SPATA9: variants seen among roughly 807,000 people sequenced by gnomAD.
SPATA9 encodes the protein spermatogenesis-associated protein 9.
A neutral mutation model predicts 25.5 loss-of-function variants in SPATA9; 27 were observed. The observed-to-expected ratio is 1.06, with a 90% confidence interval of 0.78 to 1.46. The LOEUF is 1.46. Ranked by LOEUF, SPATA9 falls within the 40% of genes most tolerant of loss-of-function variation. The pLI, the probability that SPATA9 is intolerant of heterozygous loss-of-function variation, is 0.00. For synonymous variants in SPATA9, 102 were observed against 105.7 expected, an observed-to-expected ratio of 0.97 and a Z score of 0.21; for missense variants, 282 against 297.5, an observed-to-expected ratio of 0.95 and a Z score of 0.38.
chr5:95,703,293 T>C (rs954981947), upstream of SPATA9, among the ~76,000 whole-genome samples: 1 of 152,156 alleles, frequency 6.6e-6, no homozygotes, highest in Non-Finnish European at 1.5e-5. Context: ...GTATTAGGGA[T>C]AGAATGAAAA....
Position 95,677,380 on chromosome 5 carries a change from A to G in SPATA9, c.151-1741T>C, listed in dbSNP as rs114968320. ...GAAAATAAAACAAATTAATCTTGAG[A>G]AACATCAAAAAAATACCAAATATTA... On this transcript the variant is annotated intron_variant, in intron 2 of 4. Coordinates refer to ENST00000274432, the MANE Select transcript of SPATA9 (RefSeq NM_031952.4). Among the ~76,000 whole-genome samples the G allele has an allele frequency of 2.7e-3, 412 of 152,332 alleles. 2 individuals are homozygous for G. Among genetic ancestry groups the G allele is most frequent in the African/African-American group, 6.1e-3 (255 of 41,580 alleles).
intron 4 of SPATA9, among the ~76,000 whole-genome samples, chr5:95,663,460 T>C (rs1187433790): frequency 6.6e-6 from 1 of 152,184 alleles, no homozygotes; most frequent in African/African-American, 2.4e-5. Context: ...GATAATTCAT[T>C]AAGCTGTACA....
At chr5:95,699,557 C>A (rs1754128064), upstream of SPATA9, among the ~76,000 whole-genome samples, 1 of 151,774 alleles carries the variant, frequency 6.6e-6, no homozygotes, top group African/African-American at 2.4e-5. Flanking sequence ...ACACAGTAGC[C>A]ATAGAAATGA....
the SPATA9 span, chr5:95,731,397 G>A: frequency 8.5e-7 from 1 of 1,175,668 alleles, no homozygotes; most frequent in Non-Finnish European, 1.0e-6. Context: ...GGTCAGCTGC[G>A]TCCACTTGGG....
At chr5:95,656,456 ATACT>A (rs1157059285), downstream of SPATA9, 3 of 615,272 alleles carry the variant, frequency 4.9e-6, no homozygotes, top group Non-Finnish European at 2.8e-6. Flanking sequence ...AAGAGCACAC[ATACT>A]TAGTATGATG....
At chr5:95,694,863 C>T (rs1753975575) in intron 1 of SPATA9, among the ~76,000 whole-genome samples, 1 of 152,140 alleles carries the variant, frequency 6.6e-6, no homozygotes, top group African/African-American at 2.4e-5. Flanking sequence ...TCTTATTTGT[C>T]CAAGACAACT....
downstream of SPATA9, chr5:95,654,491 A>G: frequency 1.4e-6 from 1 of 695,150 alleles, no homozygotes; most frequent in Non-Finnish European, 2.4e-6. Context: ...GGGAATTCAT[A>G]AGATAAATGA....
the SPATA9 span, among the ~76,000 whole-genome samples, chr5:95,718,229 A>G: frequency 6.6e-6 from 1 of 152,170 alleles, no homozygotes; most frequent in African/African-American, 2.4e-5. Context: ...AGAGACTTGC[A>G]TATGTTTAAA....
upstream of SPATA9, among the ~76,000 whole-genome samples, chr5:95,700,971 T>C (rs375645833): frequency 6.6e-6 from 1 of 152,230 alleles, no homozygotes; most frequent in East Asian, 1.9e-4. Flanking sequence ...CCACAAGAAT[T>C]TGAAAAAACA....
chr5:95,681,092 C>T (rs568946878), intron 2 of SPATA9, among the ~76,000 whole-genome samples: 2 of 152,150 alleles, frequency 1.3e-5, no homozygotes, highest in Admixed American at 6.5e-5. Flanking sequence ...TGCCTCCATT[C>T]GGATCTCATT....
At chr5:95,703,943 T>C in the SPATA9 span, among the ~76,000 whole-genome samples, 24 of 152,196 alleles carry the variant, frequency 1.6e-4, no homozygotes, top group African/African-American at 5.1e-4. Context: ...TTTCATTTTA[T>C]ACCACAATCA....
the SPATA9 span, among the ~76,000 whole-genome samples, chr5:95,708,414 T>G: frequency 6.6e-6 from 1 of 152,282 alleles, no homozygotes; most frequent in South Asian, 2.1e-4. Flanking sequence ...ATTAGGGTCA[T>G]GGACAGTTAT....
chr5:95,713,647 A>G, the SPATA9 span: 1 of 152,144 alleles, frequency 6.6e-6, no homozygotes, highest in African/African-American at 2.4e-5. Flanking sequence ...ATGTCTTTAT[A>G]GTGTGTGAGA....
At chr5:95,723,044 T>C in the SPATA9 span, among the ~76,000 whole-genome samples, 2 of 152,162 alleles carry the variant, frequency 1.3e-5, no homozygotes, top group Non-Finnish European at 2.9e-5. Flanking sequence ...CATAGACATT[T>C]TCTGAAAGAG....
downstream of SPATA9, chr5:95,658,145 G>A (rs2112535723): frequency 6.6e-6 from 1 of 152,412 alleles, no homozygotes; most frequent in African/African-American, 2.4e-5. Context: ...TATGACATCT[G>A]TGAATTGCAA....
chr5:95,684,785 T>C (rs572754165), upstream of SPATA9: 1 of 152,380 alleles, frequency 6.6e-6, no homozygotes, highest in Non-Finnish European at 1.5e-5. Flanking sequence ...CCACAATGTC[T>C]GTTTTTTTCT....
At chr5:95,667,094 T>C (rs1751883710) in intron 3 of SPATA9, among the ~76,000 whole-genome samples, 2 of 152,192 alleles carry the variant, frequency 1.3e-5, no homozygotes, top group African/African-American at 4.8e-5. Context: ...AAATTCTTTC[T>C]TGTTTTCTAT....
intron 1 of SPATA9, among the ~76,000 whole-genome samples, chr5:95,694,864 C>T (rs1753975650): frequency 1.3e-5 from 2 of 152,070 alleles, no homozygotes; most frequent in African/African-American, 4.8e-5. Context: ...CTTATTTGTC[C>T]AAGACAACTC....
At chr5:95,698,322 A>T (rs1379979500) in intron 1 of SPATA9, among the ~76,000 whole-genome samples, 1 of 152,170 alleles carries the variant, frequency 6.6e-6, no homozygotes. Context: ...AAGAGAGGGA[A>T]GGCTAAGTTC....
Sources: gnomAD v4.1 joint callset for allele counts (sites outside exome capture counted in the v4.1 genomes callset) on GRCh38, gnomAD v4.1.1 for gene constraint, MANE v1.5 for transcripts, NCBI Gene and HGNC (gene_info 2026-07-23, HGNC 2026-07-21) for gene names.